RREB1: variants seen among roughly 807,000 people sequenced by gnomAD.
RREB1 encodes the protein ras-responsive element-binding protein 1.
Under a neutral mutation model 117.8 loss-of-function variants are expected in RREB1, and 27 were observed. That is an observed-to-expected ratio of 0.23 (90% CI 0.17 to 0.32). The LOEUF (loss-of-function observed/expected upper bound fraction) is 0.32, where lower values mean the gene tolerates loss of function less well. Ranked by LOEUF, RREB1 falls within the 10% of genes least tolerant of loss-of-function variation. The probability of loss-of-function intolerance (pLI) is 1.00; values close to 1 mark genes in which losing one functional copy is unlikely to be tolerated. For synonymous variants in RREB1, 1,298 were observed against 1,026.7 expected, an observed-to-expected ratio of 1.26 and a Z score of -5.05; for missense variants, 2,577 against 2,378.2, an observed-to-expected ratio of 1.08 and a Z score of -1.74.
intron 1 of RREB1, among the ~76,000 whole-genome samples, chr6:7,136,241 C>A (rs1762345966): frequency 6.6e-6 from 1 of 152,182 alleles, no homozygotes; most frequent in Non-Finnish European, 1.5e-5. Context: ...CACCTTCTCT[C>A]TTGCCTTTGT....
At chr6:7,235,985 C>T (rs1768287968) in intron 10 of RREB1, among the ~76,000 whole-genome samples, 1 of 152,172 alleles carries the variant, frequency 6.6e-6, no homozygotes, top group East Asian at 1.9e-4. Context: ...CCACACACAC[C>T]TGCCTTTCCT....
Position 7,246,707 on chromosome 6 carries a change from C to T in RREB1, c.4257C>T (p.Asp1419=). The change falls in exon 12 of 13, where the codon GAC becomes GAT. Residue 1419 remains aspartate, a synonymous_variant. Transcript: ENST00000379938. The part of the protein sequence containing the change: ...DASSNQSLDL[D]FATKLMDFKL... ...CGAGCAACCAGAGCCTGGACCTGGA[C>T]TTCGCCACCAAGCTCATGGACTTCA... 1 of 1,584,970 alleles carries T rather than the reference C, an allele frequency of 6.3e-7. No homozygotes were observed. Among genetic ancestry groups the T allele is most frequent in the Non-Finnish European group, 8.6e-7 (1 of 1,166,096 alleles).
chr6:7,204,332 C>T (rs866315669), intron 6 of RREB1, among the ~76,000 whole-genome samples: 8 of 146,880 alleles, frequency 5.4e-5, no homozygotes, highest in Non-Finnish European at 1.2e-4. Context: ...TGTGTCTGCT[C>T]TCCATCCCCC....
At chr6:7,155,988 C>T (rs1466305359) in intron 1 of RREB1, among the ~76,000 whole-genome samples, 1 of 152,194 alleles carries the variant, frequency 6.6e-6, no homozygotes, top group Admixed American at 6.5e-5. Context: ...ATAGCATCAC[C>T]CCTTTCGGGT....
chr6:7,246,173 A>G (rs1473938173), intron 11 of RREB1, among the ~76,000 whole-genome samples: 1 of 152,184 alleles, frequency 6.6e-6, no homozygotes, highest in Non-Finnish European at 1.5e-5. Flanking sequence ...CCAGGGGTTC[A>G]GGGGCACAGC....
chr6:7,187,449 A>G lies in RREB1; in HGVS notation c.187A>G (p.Lys63Glu). The G allele has an allele frequency of 6.2e-7, 1 of 1,602,392 alleles. No homozygotes were observed. The highest frequency in any genetic ancestry group is 8.5e-7 in the Non-Finnish European group (1 of 1,171,448). The stretch of plus-strand genomic sequence containing the variant: ...TTCTTTTTAGGAAACGAAAGAGGAG[A>G]AGTCTTCCTATAACTGCCCCCTGTG... Reference protein sequence around the residue: ...GRRNQETKEEKSSYNCPLCEK... With the variant: ...GRRNQETKEEESSYNCPLCEK... Residue 63 changes from lysine (K) to glutamate (E), a missense_variant, in exon 5 of 13, where the codon AAG (lysine) becomes GAG (glutamate). Physicochemically the swap from Lys to Glu is moderately conservative, Grantham distance 56. Coordinates refer to ENST00000379938, the MANE Select transcript of RREB1 (RefSeq NM_001003699.4).
Position 7,232,417 on chromosome 6 carries a change from A to C in RREB1, c.3808+510A>C, listed in dbSNP as rs551159160. Among the ~76,000 whole-genome samples the C allele has an allele frequency of 3.9e-5, 6 of 152,276 alleles. No individual in the cohort carries two copies. In the South Asian group the frequency reaches 1.2e-3, roughly 32 times the overall value. On this transcript the variant is annotated intron_variant, in intron 10 of 12. Coordinates refer to ENST00000379938, the MANE Select transcript of RREB1 (RefSeq NM_001003699.4). ...GTCTTCTTAAAGAGAAATATGACAA[A>C]TTGTGAGGTTGGCTGTTTTCTTTCA...
At chr6:7,213,138 TC>T (rs1766711972) in intron 8 of RREB1, 1 of 152,158 alleles carries the variant, frequency 6.6e-6, no homozygotes, top group Non-Finnish European at 1.5e-5. Flanking sequence ...ATCCTTGTGT[TC>T]CTAAAACCTT....
intron 1 of RREB1, among the ~76,000 whole-genome samples, chr6:7,120,965 A>G (rs913222761): frequency 4.0e-5 from 6 of 151,814 alleles, no homozygotes; most frequent in African/African-American, 1.5e-4. Flanking sequence ...CTGGGATTAC[A>G]GGTGCCTGCC....
At chr6:7,174,610 A>T (rs1402247317) in intron 1 of RREB1, among the ~76,000 whole-genome samples, 1 of 152,094 alleles carries the variant, frequency 6.6e-6, no homozygotes, top group African/African-American at 2.4e-5. Flanking sequence ...GTGTTTATTT[A>T]TTGTATTTAT....
chr6:7,175,487 A>T (rs995582064), intron 1 of RREB1, among the ~76,000 whole-genome samples: 5 of 152,188 alleles, frequency 3.3e-5, no homozygotes, highest in Non-Finnish European at 4.4e-5. Context: ...ATGGATGGGC[A>T]GCTTGTCTGT....
intron 6 of RREB1, among the ~76,000 whole-genome samples, chr6:7,198,275 A>G (rs1765765484): frequency 6.6e-6 from 1 of 152,246 alleles, no homozygotes; most frequent in East Asian, 1.9e-4. Context: ...TTCTGCAGGA[A>G]GGAAAGTATC....
chr6:7,160,583 C>A (rs1473101001), intron 1 of RREB1, among the ~76,000 whole-genome samples: 1 of 152,164 alleles, frequency 6.6e-6, no homozygotes, highest in East Asian at 1.9e-4. Context: ...GATCACCGCT[C>A]ACTGCAGCCT....
In RREB1 at chr6:7,250,337, T is replaced by G. The variant is rs935313860; in HGVS notation, c.*1369T>G. ...TAGGTTTATATTTACCTTCCTGCGA[T>G]GTGGGGTTGGTGCTTGAAGATAAAT... On this transcript the variant is annotated 3_prime_UTR_variant, in exon 13 of 13. Transcript: ENST00000379938. 1 of 152,222 alleles carries G rather than the reference T, an allele frequency of 6.6e-6. No homozygotes were observed. 9.4% of individuals were successfully genotyped at this position (152,222 alleles called of 1,614,324 possible). A position where few individuals can be genotyped will look rare whatever the true frequency, so the allele number is the denominator to read the frequency against.
intron 1 of RREB1, among the ~76,000 whole-genome samples, chr6:7,137,362 G>A (rs1762386478): frequency 6.6e-6 from 1 of 152,246 alleles, no homozygotes; most frequent in Non-Finnish European, 1.5e-5. Flanking sequence ...GGGCATGACT[G>A]CAGTTACTGC....
In RREB1 at chr6:7,248,631, A is replaced by G. The variant is rs1274506854; in HGVS notation, c.4892A>G (p.Asp1631Gly). Reference sequence around the variant, plus strand: ...GCCAAACACCACGGGAAGGACAGCGACAAGGAAGAGCGGGGTGAGGAGGAC... The same window carrying G: ...GCCAAACACCACGGGAAGGACAGCGGCAAGGAAGAGCGGGGTGAGGAGGAC... ...RHAKHHGKDS[D>G]KEERGEEDSE... Residue 1631 changes from aspartate (D) to glycine (G), a missense_variant, in exon 13 of 13, where the codon GAC (aspartate) becomes GGC (glycine). Coordinates refer to ENST00000379938, the MANE Select transcript of RREB1 (RefSeq NM_001003699.4). 6.2e-7 allele frequency: 1 copy of G among 1,614,120 alleles called. No homozygotes were observed. Among genetic ancestry groups the G allele is most frequent in the South Asian group, 1.1e-5 (1 of 91,094 alleles).
Position 7,226,592 on chromosome 6 carries a change from C to T in RREB1, c.833C>T (p.Pro278Leu), listed in dbSNP as rs779380537. The T allele has an allele frequency of 3.7e-6, 6 of 1,614,198 alleles. No individual in the cohort carries two copies. The South Asian group carries it at 5.5e-5, about 15-fold the overall frequency. Residue 278 changes from proline (P) to leucine (L), a missense_variant, in exon 9 of 13, where the codon CCT (proline) becomes CTT (leucine). By Grantham distance (98) the Pro-to-Leu change is moderately conservative (BLOSUM62 -3). Coordinates refer to ENST00000379938, the MANE Select transcript of RREB1 (RefSeq NM_001003699.4). The stretch of plus-strand genomic sequence containing the variant: ...TTCATACAGAACAACCCTTCAATTC[C>T]TGCTGGCTTCCACGACTTAGGATTC... Reference protein sequence around the residue: ...RPFIQNNPSIPAGFHDLGFTD... With the variant: ...RPFIQNNPSILAGFHDLGFTD...
chr6:7,171,478 T>G (rs567042707), intron 1 of RREB1, among the ~76,000 whole-genome samples: 30 of 152,276 alleles, frequency 2.0e-4, no homozygotes, highest in African/African-American at 6.5e-4. Flanking sequence ...CGCACACTTT[T>G]CCAAAAGAAA....
intron 2 of RREB1, among the ~76,000 whole-genome samples, chr6:7,177,218 CAAAAAAAA>C (rs552706086): frequency 1.4e-4 from 5 of 34,924 alleles, no homozygotes; most frequent in Non-Finnish European, 2.5e-4. Context: ...GACTGTCTCA[CAAAAAAAA>C]AAAAAAAAAA....
Sources: gnomAD v4.1 joint callset for allele counts (sites outside exome capture counted in the v4.1 genomes callset) on GRCh38, gnomAD v4.1.1 for gene constraint, MANE v1.5 for transcripts, NCBI Gene and HGNC (gene_info 2026-07-23, HGNC 2026-07-21) for gene names.